PCSK5: variants seen among roughly 807,000 people sequenced by gnomAD.
PCSK5 encodes proprotein convertase subtilisin/kexin type 5.
Under a neutral mutation model 233.2 loss-of-function variants are expected in PCSK5, and 129 were observed. The observed-to-expected ratio is 0.55, with a 90% CI of 0.48 to 0.64. PCSK5 has a LOEUF of 0.64. PCSK5 is among the 30% of genes least tolerant of loss of function. The probability of loss-of-function intolerance (pLI) is 0.00; values close to 1 mark genes in which losing one functional copy is unlikely to be tolerated. For missense variants in PCSK5, 2,076 were observed against 2,430.1 expected, an observed-to-expected ratio of 0.85 and a Z score of 3.06; for synonymous variants, 825 against 879.2, an observed-to-expected ratio of 0.94 and a Z score of 1.09.
chr9:76,093,885 C>T (rs1403329502), intron 7 of PCSK5, among the ~76,000 whole-genome samples: 2 of 152,250 alleles, frequency 1.3e-5, no homozygotes, highest in African/African-American at 4.8e-5. Context: ...GTCTGACCAC[C>T]CTCACCATAG....
chr9:76,045,195 A>G (rs1206737709), intron 5 of PCSK5, among the ~76,000 whole-genome samples: 2 of 152,220 alleles, frequency 1.3e-5, no homozygotes, highest in Non-Finnish European at 2.9e-5. Flanking sequence ...AGAATACAGT[A>G]ATTATCGTGA....
intron 20 of PCSK5, among the ~76,000 whole-genome samples, chr9:76,191,868 G>A (rs1404853359): frequency 1.3e-5 from 2 of 151,998 alleles, no homozygotes; most frequent in South Asian, 2.1e-4. Flanking sequence ...AATTGAGGAA[G>A]ATGAAAGTGA....
chr9:75,985,216 G>A (rs994142192), intron 2 of PCSK5, among the ~76,000 whole-genome samples: 4 of 152,256 alleles, frequency 2.6e-5, no homozygotes, highest in East Asian at 1.9e-4. Context: ...TTGTGTTGCC[G>A]TAAGGATAAT....
chr9:76,002,827 G>C (rs960234013), intron 3 of PCSK5, among the ~76,000 whole-genome samples: 3 of 152,158 alleles, frequency 2.0e-5, no homozygotes, highest in Non-Finnish European at 4.4e-5. Context: ...CTGCCACTCA[G>C]TGTAGCCCTG....
chr9:76,055,737 TAGC>T (rs1195496346), intron 5 of PCSK5, among the ~76,000 whole-genome samples: 2 of 152,154 alleles, frequency 1.3e-5, no homozygotes, highest in African/African-American at 4.8e-5. Flanking sequence ...CTCTGAGTCT[TAGC>T]AGAATGATAG....
rs948696620 is a variant in PCSK5 at position 76,362,817 on chromosome 9, C to T, written c.*3895C>T. Among the ~76,000 whole-genome samples the T allele has an allele frequency of 1.3e-5, 2 of 152,166 alleles. No individual in the cohort carries two copies. Among genetic ancestry groups the T allele is most frequent in the African/African-American group, 4.8e-5 (2 of 41,444 alleles). On this transcript the variant is annotated 3_prime_UTR_variant, in exon 38 of 38. Coordinates refer to ENST00000674117, the MANE Select transcript of PCSK5 (RefSeq NM_001372043.1). ...TACTGGTGCATGCAGTCCCCAGTCA[C>T]GTACCCCCTGCTTGCTCAATCGATC...
At chr9:76,194,380 T>C (rs1406832876) in intron 20 of PCSK5, 1 of 152,390 alleles carries the variant, frequency 6.6e-6, no homozygotes, top group Non-Finnish European at 1.5e-5. Context: ...TTAAATAATA[T>C]TTAAGCTTGT....
chr9:76,309,908 A>C (rs1356888697), intron 29 of PCSK5, among the ~76,000 whole-genome samples: 1 of 152,168 alleles, frequency 6.6e-6, no homozygotes, highest in Non-Finnish European at 1.5e-5. Context: ...AATGAGTATC[A>C]GTTGTTTTTC....
intron 9 of PCSK5, among the ~76,000 whole-genome samples, chr9:76,130,766 C>G (rs1210830858): frequency 6.6e-6 from 1 of 151,938 alleles, no homozygotes; most frequent in East Asian, 1.9e-4. Flanking sequence ...ATGTGACTCT[C>G]TTCATATATA....
chr9:76,018,364 G>A (rs1028786315), intron 3 of PCSK5, among the ~76,000 whole-genome samples: 4 of 152,112 alleles, frequency 2.6e-5, no homozygotes, highest in African/African-American at 4.8e-5. Context: ...AGTATTGATC[G>A]CGGCCTGTTA....
At chr9:76,321,175 T>G (rs1829190080) in intron 30 of PCSK5, among the ~76,000 whole-genome samples, 1 of 152,138 alleles carries the variant, frequency 6.6e-6, no homozygotes, top group African/African-American at 2.4e-5. Context: ...GTTCCCAGCT[T>G]GATTTTTCCC....
intron 2 of PCSK5, among the ~76,000 whole-genome samples, chr9:75,950,785 C>G (rs4317644): frequency 6.6e-6 from 1 of 152,002 alleles, no homozygotes; most frequent in African/African-American, 2.4e-5. Context: ...CATCAACTAA[C>G]GAGCAAAATC....
intron 2 of PCSK5, among the ~76,000 whole-genome samples, chr9:75,963,912 C>G (rs530665661): frequency 6.6e-6 from 1 of 152,268 alleles, no homozygotes; most frequent in African/African-American, 2.4e-5. Flanking sequence ...AATTCAGTCA[C>G]CGTATACCAT....
chr9:76,231,928 A>G (rs1826101094), intron 21 of PCSK5, among the ~76,000 whole-genome samples: 1 of 152,190 alleles, frequency 6.6e-6, no homozygotes, highest in Non-Finnish European at 1.5e-5. Flanking sequence ...TAGGAATCCA[A>G]GAGAGAGGTG....
chr9:76,201,028 T>C (rs1824894322), intron 20 of PCSK5, among the ~76,000 whole-genome samples: 1 of 152,228 alleles, frequency 6.6e-6, no homozygotes, highest in Non-Finnish European at 1.5e-5. Context: ...CTGATGGCTG[T>C]ATTGAGCCAG....
chr9:75,970,518 T>G (rs1436131195), intron 2 of PCSK5, among the ~76,000 whole-genome samples: 1 of 152,196 alleles, frequency 6.6e-6, no homozygotes, highest in African/African-American at 2.4e-5. Context: ...TTTAAAATGC[T>G]TCCAGTAAGT....
intron 4 of PCSK5, among the ~76,000 whole-genome samples, chr9:76,025,920 C>T (rs1828403924): frequency 6.6e-6 from 1 of 151,594 alleles, no homozygotes; most frequent in African/African-American, 2.4e-5. Flanking sequence ...TTTAAAATAC[C>T]AAAATAATTA....
At chr9:76,128,054 G>T (rs1366061632) in intron 9 of PCSK5, among the ~76,000 whole-genome samples, 1 of 152,154 alleles carries the variant, frequency 6.6e-6, no homozygotes, top group Non-Finnish European at 1.5e-5. Context: ...GAAATGAGGG[G>T]GGTAACCATG....
intron 10 of PCSK5, among the ~76,000 whole-genome samples, chr9:76,152,339 T>A (rs187696620): frequency 2.4e-4 from 36 of 152,356 alleles, no homozygotes; most frequent in African/African-American, 8.7e-4. Flanking sequence ...GGAGATATTT[T>A]AGCTGGGCTT....
Sources: gnomAD v4.1 joint callset for allele counts (sites outside exome capture counted in the v4.1 genomes callset) on GRCh38, gnomAD v4.1.1 for gene constraint, MANE v1.5 for transcripts, NCBI Gene and HGNC (gene_info 2026-07-23, HGNC 2026-07-21) for gene names.